The following CMIP variants were observed in gnomAD, a reference collection of about 807,000 sequenced individuals.
The protein encoded by CMIP is C-Maf-inducing protein.
A neutral mutation model predicts 97.3 loss-of-function variants in CMIP; 13 were observed. The ratio of observed to expected loss-of-function variants is 0.13; its 90% CI spans 0.09 to 0.21. The LOEUF is 0.21. Ranked by LOEUF, CMIP falls within the 10% of genes least tolerant of loss-of-function variation. CMIP has a pLI of 1.00. For synonymous variants in CMIP, 538 were observed against 436.3 expected (o/e 1.23, Z -2.91); for missense variants, 847 against 1,024.9 (o/e 0.83, Z 2.37).
chr16:81,581,754 A>G (rs1308146360), intron 1 of CMIP, among the ~76,000 whole-genome samples: 4 of 152,192 alleles, frequency 2.6e-5, no homozygotes, highest in Non-Finnish European at 5.9e-5. Flanking sequence ...CAAGGGAACC[A>G]CTTCCTCACG....
At chr16:81,602,708 A>C (rs1216495155) in intron 1 of CMIP, among the ~76,000 whole-genome samples, 3 of 152,184 alleles carry the variant, frequency 2.0e-5, no homozygotes, top group Non-Finnish European at 4.4e-5. Flanking sequence ...TTTAGGAAAA[A>C]AATTTTTCGT....
chr16:81,709,617 A>G, intron 20 of CMIP, 129 bp from the exon 21 acceptor site: 4 of 965,446 alleles, frequency 4.1e-6, no homozygotes, highest in Non-Finnish European at 6.3e-6. Flanking sequence ...GAGCCCAGGT[A>G]GCCCACAGCA....
intron 3 of CMIP, among the ~76,000 whole-genome samples, chr16:81,635,446 A>G (rs146518382): frequency 1.3e-3 from 205 of 152,318 alleles, no homozygotes; most frequent in South Asian, 3.1e-3. Context: ...AGAAAAGCAC[A>G]CAGACTGGGA....
intron 1 of CMIP, among the ~76,000 whole-genome samples, chr16:81,532,010 C>A (rs1005522473): frequency 6.6e-6 from 1 of 152,180 alleles, no homozygotes. Context: ...CATTTCATGG[C>A]GCTTCTTCTG....
chr16:81,458,981 G>GCTGTCACCATCA lies in CMIP; in HGVS notation c.300+13454_300+13465dup, dbSNP rs1321993977. 2.1e-4 allele frequency among the ~76,000 whole-genome samples: 32 copies of GCTGTCACCATCA among 151,980 alleles called. No individual in the cohort carries two copies. In the South Asian group the frequency reaches 6.7e-3, roughly 32 times the overall value. On this transcript the variant is annotated intron_variant, in intron 1 of 20. Transcript: ENST00000537098. ...GACCCCTACCATTACTGTCATCTCCGCTGTCACCATCACTGTCACCATCAC... is the reference window on the plus strand; with the variant it reads ...GACCCCTACCATTACTGTCATCTCCGCTGTCACCATCACTGTCACCATCACTGTCACCATCAC...
chr16:81,515,546 G>A (rs943946592), intron 1 of CMIP, among the ~76,000 whole-genome samples: 3 of 152,168 alleles, frequency 2.0e-5, no homozygotes, highest in Admixed American at 6.5e-5. Context: ...AATGGGAGGC[G>A]TGTTTCGTCA....
intron 13 of CMIP, 172 bp from the exon 14 acceptor site, chr16:81,696,388 A>G: frequency 1.5e-6 from 1 of 670,410 alleles, no homozygotes; most frequent in East Asian, 2.7e-5. Context: ...TTCCCGAAAG[A>G]CCTTTCATGG....
chr16:81,678,639 C>T lies in CMIP; in HGVS notation c.1388+11C>T. On this transcript the variant is annotated intron_variant, in intron 10 of 20. Transcript: ENST00000537098. ...AATCCTCAAGCTGCTGTGAGTGCCCCCCCCGCGTGCCCGCCCCCGGGGCCG... is the reference window on the plus strand; with the variant it reads ...AATCCTCAAGCTGCTGTGAGTGCCCTCCCCGCGTGCCCGCCCCCGGGGCCG... The T allele has an allele frequency of 7.4e-7, 1 of 1,357,744 alleles. No homozygotes were observed. Among genetic ancestry groups the T allele is most frequent in the Admixed American group, 1.8e-5 (1 of 55,606 alleles). The allele number at this position is 1,357,744 out of a possible 1,614,324, so 84.1% of individuals were successfully genotyped here.
At position 81,686,390 on chromosome 16, in the gene CMIP, G is replaced by A. The variant is rs151087619; in HGVS notation, c.1389-5385G>A. 5.4e-3 allele frequency among the ~76,000 whole-genome samples: 827 copies of A among 152,278 alleles called. 22 individuals carry two copies. The highest frequency in any genetic ancestry group is 0.046 in the Admixed American group (708 of 15,300). On this transcript the variant is annotated intron_variant, in intron 10 of 20. Coordinates refer to ENST00000537098, the MANE Select transcript of CMIP (RefSeq NM_198390.3). ...CCTGCAGCTCTGAGAACCCCAGGCT[G>A]CACCTGGGCCTTCCGCACTCAAGCA... is the stretch of plus-strand genomic sequence containing the variant.
At chr16:81,590,432 G>A (rs769039765) in intron 1 of CMIP, among the ~76,000 whole-genome samples, 8 of 152,158 alleles carry the variant, frequency 5.3e-5, no homozygotes, top group Non-Finnish European at 1.2e-4. Flanking sequence ...CACCTTGTCC[G>A]GGGTCCTGGC....
At chr16:81,579,708 G>C (rs2091262850) in intron 1 of CMIP, among the ~76,000 whole-genome samples, 1 of 132,342 alleles carries the variant, frequency 7.6e-6, no homozygotes. Context: ...TAAAAAAAGA[G>C]TTCTGCCACT....
intron 1 of CMIP, among the ~76,000 whole-genome samples, chr16:81,506,405 A>G (rs1286722709): frequency 6.6e-6 from 1 of 152,182 alleles, no homozygotes; most frequent in Non-Finnish European, 1.5e-5. Context: ...TGCCTCAGTT[A>G]TGCTCAGCCA....
At chr16:81,501,798 G>A (rs1425813806) in intron 1 of CMIP, among the ~76,000 whole-genome samples, 4 of 152,028 alleles carry the variant, frequency 2.6e-5, no homozygotes, top group Non-Finnish European at 5.9e-5. Flanking sequence ...TTTTAGTAGA[G>A]TCGGGATTTC....
intron 10 of CMIP, among the ~76,000 whole-genome samples, chr16:81,686,118 A>G (rs1043424719): frequency 1.3e-5 from 2 of 152,194 alleles, no homozygotes; most frequent in Non-Finnish European, 2.9e-5. Context: ...GCATGGGCTG[A>G]CGCATGGGAG....
chr16:81,583,536 C>G (rs2091331581), intron 1 of CMIP, among the ~76,000 whole-genome samples: 1 of 152,202 alleles, frequency 6.6e-6, no homozygotes, highest in Non-Finnish European at 1.5e-5. Context: ...CTCAATGAAA[C>G]TTGTCAATAG....
chr16:81,551,088 C>T (rs569682756), intron 1 of CMIP, among the ~76,000 whole-genome samples: 6 of 143,840 alleles, frequency 4.2e-5, no homozygotes, highest in East Asian at 2.2e-4. Flanking sequence ...TCCCGTCACA[C>T]GCACCCCAGT....
In CMIP at chr16:81,616,714, C is replaced by A. The variant is rs893623738; in HGVS notation, c.427-4162C>A. On this transcript the variant is annotated intron_variant, in intron 2 of 20. Coordinates refer to ENST00000537098, the MANE Select transcript of CMIP (RefSeq NM_198390.3). This position sits in a 1 kb window ranked among gnomAD's most constrained non-coding sequence, Gnocchi z 4.7. Reference sequence around the variant, plus strand: ...AGTGTGGCTGGGGAAGGGGGTCACACCCTCCTATGGGAGGAAAGGCTTGGA... The same window carrying A: ...AGTGTGGCTGGGGAAGGGGGTCACAACCTCCTATGGGAGGAAAGGCTTGGA... Among the ~76,000 whole-genome samples the A allele has an allele frequency of 6.6e-6, 1 of 152,112 alleles. No individual in the cohort carries two copies. Among genetic ancestry groups the A allele is most frequent in the Non-Finnish European group, 1.5e-5 (1 of 68,020 alleles).
At chr16:81,659,336 C>G (rs566317551) in intron 5 of CMIP, among the ~76,000 whole-genome samples, 2 of 151,902 alleles carry the variant, frequency 1.3e-5, no homozygotes, top group East Asian at 3.9e-4. Flanking sequence ...AATAACATGG[C>G]CAAGGGCTGA....
At chr16:81,602,775 A>G (rs1261441384) in intron 1 of CMIP, among the ~76,000 whole-genome samples, 1 of 152,206 alleles carries the variant, frequency 6.6e-6, no homozygotes, top group South Asian at 2.1e-4. Flanking sequence ...CCATCCCTCA[A>G]TGGAGGAGAA....
Sources: allele counts gnomAD v4.1 joint callset (sites outside exome capture counted in the v4.1 genomes callset), GRCh38; gene constraint gnomAD v4.1.1; non-coding constraint Gnocchi (gnomAD v3.1); transcripts MANE v1.5; gene names NCBI Gene and HGNC (gene_info 2026-07-23, HGNC 2026-07-21).